Variants in SPAG16 observed in about 807,000 individuals in gnomAD.
SPAG16 encodes the protein sperm-associated antigen 16 protein.
SPAG16 carries 86 observed loss-of-function variants against 80.4 expected under a neutral mutation model. The ratio of observed to expected loss-of-function variants is 1.07; its 90% CI spans 0.90 to 1.28. The LOEUF (loss-of-function observed/expected upper bound fraction) is 1.28. Ranked by LOEUF, SPAG16 falls within the 50% of genes most tolerant of loss-of-function variation. SPAG16 has a pLI of 0.00. For synonymous variants in SPAG16, 294 were observed against 265.9 expected (o/e 1.11, Z -1.03); for missense variants, 870 against 765.3 (o/e 1.14, Z -1.61).
intron 10 of SPAG16, among the ~76,000 whole-genome samples, chr2:213,504,081 T>C (rs1261678136): frequency 1.3e-5 from 2 of 152,346 alleles, no homozygotes; most frequent in Non-Finnish European, 1.5e-5. Context: ...GGAAGTCTGA[T>C]TGGCATTATC....
At chr2:214,106,382 G>A (rs998846119) in intron 13 of SPAG16, among the ~76,000 whole-genome samples, 1 of 152,108 alleles carries the variant, frequency 6.6e-6, no homozygotes, top group Non-Finnish European at 1.5e-5. Flanking sequence ...ACAGTGTCAA[G>A]ATACTGAGCC....
At chr2:213,555,657 C>G (rs1370660327) in intron 10 of SPAG16, among the ~76,000 whole-genome samples, 1 of 152,182 alleles carries the variant, frequency 6.6e-6, no homozygotes, top group African/African-American at 2.4e-5. Flanking sequence ...CATACATTCC[C>G]AGATGAATAA....
chr2:213,685,553 T>A (rs2064623958), intron 10 of SPAG16, among the ~76,000 whole-genome samples: 2 of 152,210 alleles, frequency 1.3e-5, no homozygotes, highest in Admixed American at 1.3e-4. Context: ...TTTGTAATAC[T>A]TTGTTACAAC....
rs191955363 is a variant in SPAG16 at position 214,150,892 on chromosome 2, G to A, written c.1720+1626G>A. Among the ~76,000 whole-genome samples the A allele has an allele frequency of 6.1e-4, 93 of 151,984 alleles. 1 individual carries two copies. The highest frequency in any genetic ancestry group is 2.2e-3 in the African/African-American group (90 of 41,494). ...GTCATACAGGTCAGTGTGATTTTAA[G>A]GCCCTTGGTACATCAAACCTATTTT... On this transcript the variant is annotated intron_variant, in intron 15 of 15. Coordinates refer to ENST00000331683, the MANE Select transcript of SPAG16 (RefSeq NM_024532.5).
intron 12 of SPAG16, among the ~76,000 whole-genome samples, chr2:214,002,983 G>T (rs1185744593): frequency 6.6e-6 from 1 of 152,010 alleles, no homozygotes; most frequent in African/African-American, 2.4e-5. Context: ...TCCAATAGTG[G>T]TGTGCTTGCA....
intron 10 of SPAG16, among the ~76,000 whole-genome samples, chr2:213,537,497 C>A (rs919675468): frequency 2.6e-5 from 4 of 151,464 alleles, no homozygotes; most frequent in African/African-American, 9.7e-5. Context: ...AAAAGAATCT[C>A]CAAGGGCTGG....
intron 13 of SPAG16, among the ~76,000 whole-genome samples, chr2:214,100,349 A>AT (rs1339593277): frequency 9.9e-5 from 15 of 151,894 alleles, no homozygotes; most frequent in Admixed American, 3.3e-4. Context: ...TCAAAAAGGC[A>AT]TTTTTTTTGT....
At chr2:213,381,851 A>G (rs2067191685) in intron 9 of SPAG16, among the ~76,000 whole-genome samples, 1 of 152,188 alleles carries the variant, frequency 6.6e-6, no homozygotes, top group African/African-American at 2.4e-5. Context: ...ATAGGTATAG[A>G]TGTATCCGCT....
At chr2:213,870,534 G>T (rs72941183) in intron 11 of SPAG16, among the ~76,000 whole-genome samples, 2,888 of 152,280 alleles carry the variant, frequency 0.019, 38 homozygotes, top group Non-Finnish European at 0.03. Flanking sequence ...TTTCCAGTAT[G>T]GGTGTGGAAG....
rs145770614 is a variant in SPAG16 at position 214,226,436 on chromosome 2, C to A, written c.1720+77170C>A. On this transcript the variant is annotated intron_variant, in intron 15 of 15. Coordinates refer to ENST00000331683, the MANE Select transcript of SPAG16 (RefSeq NM_024532.5). The stretch of plus-strand genomic sequence containing the variant: ...TCTGATTATTTAATAAAAAGAACTT[C>A]AAAATCACAAGAACTTTAAAGAGCA... Among the ~76,000 whole-genome samples the A allele has an allele frequency of 7.8e-3, 1,187 of 152,162 alleles. 11 individuals are homozygous for A. The highest frequency in any genetic ancestry group is 0.013 in the Non-Finnish European group (917 of 67,954).
intron 12 of SPAG16, among the ~76,000 whole-genome samples, chr2:213,951,740 A>G (rs527330039): frequency 6.6e-5 from 10 of 152,282 alleles, no homozygotes; most frequent in African/African-American, 1.7e-4. Context: ...AATATGCCAA[A>G]ATGCATGCTA....
chr2:213,617,755 G>C (rs954579279), intron 10 of SPAG16, among the ~76,000 whole-genome samples: 2 of 152,298 alleles, frequency 1.3e-5, no homozygotes, highest in Admixed American at 1.3e-4. Flanking sequence ...TGAGGCTGCA[G>C]TGAGCCATGA....
intron 14 of SPAG16, among the ~76,000 whole-genome samples, chr2:214,128,373 T>C (rs1191507575): frequency 1.3e-5 from 2 of 151,822 alleles, no homozygotes; most frequent in Admixed American, 1.3e-4. Context: ...CTCAGTTTAA[T>C]TGAGAAAGCA....
Position 214,056,260 on chromosome 2 carries a change from T to G in SPAG16, c.1527+42183T>G, listed in dbSNP as rs184548934. ...AATCAAAATGTCTTGAATTTTTTTT[T>G]GCACAAGATGTAGTAGAAATACACA... On this transcript the variant is annotated intron_variant, in intron 13 of 15. Transcript: ENST00000331683. 8.0e-5 allele frequency among the ~76,000 whole-genome samples: 12 copies of G among 150,288 alleles called. No homozygotes were observed. In the East Asian group the frequency reaches 2.3e-3, roughly 29 times the overall value.
chr2:213,892,656 A>G (rs1168165760), intron 11 of SPAG16, among the ~76,000 whole-genome samples: 1 of 152,210 alleles, frequency 6.6e-6, no homozygotes, highest in Non-Finnish European at 1.5e-5. Context: ...TGAGAAATAC[A>G]TAAGCTGAAG....
chr2:213,669,213 G>T (rs761330831), intron 10 of SPAG16, among the ~76,000 whole-genome samples: 1 of 152,298 alleles, frequency 6.6e-6, no homozygotes, highest in Admixed American at 6.5e-5. Flanking sequence ...TGTGAAAATT[G>T]TAGTTGCCTT....
At chr2:214,407,196 AATTT>A (rs1702041252) in intron 15 of SPAG16, among the ~76,000 whole-genome samples, 1 of 152,054 alleles carries the variant, frequency 6.6e-6, no homozygotes, top group Non-Finnish European at 1.5e-5. Flanking sequence ...TTTAATCACA[AATTT>A]ATTTCATGTG....
intron 10 of SPAG16, among the ~76,000 whole-genome samples, chr2:213,654,578 G>A (rs1574664632): frequency 6.7e-6 from 1 of 149,008 alleles, no homozygotes; most frequent in Non-Finnish European, 1.5e-5. Context: ...TTAGCCGGGT[G>A]TGGTGGTGGG....
At chr2:213,373,442 A>C (rs910498450) in intron 8 of SPAG16, among the ~76,000 whole-genome samples, 7 of 152,156 alleles carry the variant, frequency 4.6e-5, no homozygotes, top group Non-Finnish European at 7.4e-5. Context: ...TAAATGTTGA[A>C]TACTGTCCTA....
Sources: allele counts gnomAD v4.1 joint callset (sites outside exome capture counted in the v4.1 genomes callset), GRCh38; gene constraint gnomAD v4.1.1; transcripts MANE v1.5; gene names NCBI Gene and HGNC (gene_info 2026-07-23, HGNC 2026-07-21).